The following ADGRB3 variants were observed in gnomAD, a reference collection of about 807,000 sequenced individuals.
ADGRB3 encodes the protein adhesion G protein-coupled receptor B3, also known as brain-specific angiogenesis inhibitor 3.
Under a neutral mutation model 193.4 loss-of-function variants are expected in ADGRB3, and 37 were observed. The ratio of observed to expected loss-of-function variants is 0.19; its 90% confidence interval spans 0.15 to 0.25. The LOEUF (loss-of-function observed/expected upper bound fraction) is 0.25. ADGRB3 is among the 10% of genes least tolerant of loss of function. The pLI is 1.00. For missense variants in ADGRB3, 1,637 were observed against 1,852.9 expected, an observed-to-expected ratio of 0.88 and a Z score of 2.14; for synonymous variants, 690 against 644.2, an observed-to-expected ratio of 1.07 and a Z score of -1.08.
At chr6:68,997,013 G>A (rs552081992) in intron 11 of ADGRB3, among the ~76,000 whole-genome samples, 8 of 152,138 alleles carry the variant, frequency 5.3e-5, no homozygotes, top group African/African-American at 1.4e-4. Context: ...AAATTAAAGG[G>A]AATATATTCT....
intron 20 of ADGRB3, among the ~76,000 whole-genome samples, chr6:69,298,173 C>T (rs538221443): frequency 1.4e-3 from 209 of 151,966 alleles, no homozygotes; most frequent in Admixed American, 2.0e-3. Context: ...AGAGATTGAA[C>T]GCAACTCTGC....
chr6:69,100,615 T>G, intron 17 of ADGRB3, among the ~76,000 whole-genome samples: 1 of 152,048 alleles, frequency 6.6e-6, no homozygotes, highest in Non-Finnish European at 1.5e-5. Context: ...TGGTCAGAGA[T>G]TGGCTTTGTA....
rs528532697 is a variant in ADGRB3, at chr6:68,932,652, A to T, written c.868+1983A>T. Reference sequence around the variant, plus strand: ...GTCTGAATAAATACAGGTAAGTGTCACACAATAAAATTTTACAAAAATTAA... The same window carrying T: ...GTCTGAATAAATACAGGTAAGTGTCTCACAATAAAATTTTACAAAAATTAA... On this transcript the variant is annotated intron_variant, in intron 4 of 31. Coordinates refer to ENST00000370598, the MANE Select transcript of ADGRB3 (RefSeq NM_001704.3). Among the ~76,000 whole-genome samples, 7 of 152,028 alleles carry T rather than the reference A, an allele frequency of 4.6e-5. No individual in the cohort carries two copies. The South Asian group carries it at 1.5e-3, about 32-fold the overall frequency.
chr6:69,172,106 T>C (rs1050742875), intron 17 of ADGRB3, among the ~76,000 whole-genome samples: 4 of 152,200 alleles, frequency 2.6e-5, no homozygotes, highest in Admixed American at 2.0e-4. Context: ...TTGAAGCCTA[T>C]GTTTTTAGAT....
intron 3 of ADGRB3, among the ~76,000 whole-genome samples, chr6:68,922,924 T>C (rs564670204): frequency 4.6e-5 from 7 of 152,234 alleles, no homozygotes; most frequent in Admixed American, 4.6e-4. Context: ...AGCTCAAAGA[T>C]TAGTTAATTG....
At chr6:69,029,676 A>G (rs543724883) in intron 13 of ADGRB3, among the ~76,000 whole-genome samples, 9 of 152,340 alleles carry the variant, frequency 5.9e-5, no homozygotes, top group South Asian at 2.1e-4. Context: ...TGAAATGACT[A>G]TAACAGAGAT....
intron 3 of ADGRB3, among the ~76,000 whole-genome samples, chr6:68,692,065 C>T (rs909410039): frequency 6.6e-6 from 1 of 151,786 alleles, no homozygotes; most frequent in Non-Finnish European, 1.5e-5. Flanking sequence ...CATATATACT[C>T]ATCTGCAAAA....
chr6:69,346,023 A>C (rs897207981), intron 26 of ADGRB3, among the ~76,000 whole-genome samples: 1 of 152,056 alleles, frequency 6.6e-6, no homozygotes, highest in African/African-American at 2.4e-5. Flanking sequence ...AAAGAGAATA[A>C]AATACAACTT....
chr6:69,100,553 T>C (rs1773002771), intron 17 of ADGRB3, among the ~76,000 whole-genome samples: 2 of 152,082 alleles, frequency 1.3e-5, no homozygotes, highest in African/African-American at 4.8e-5. Flanking sequence ...TTCTCCCATA[T>C]TAAATGCTTT....
At chr6:69,271,036 C>A (rs1767164336) in intron 20 of ADGRB3, among the ~76,000 whole-genome samples, 2 of 152,114 alleles carry the variant, frequency 1.3e-5, no homozygotes, top group South Asian at 4.1e-4. Flanking sequence ...TAATAATTTG[C>A]ATTAAACTGG....
intron 11 of ADGRB3, among the ~76,000 whole-genome samples, chr6:69,006,460 A>C (rs576765837): frequency 6.6e-6 from 1 of 152,138 alleles, no homozygotes; most frequent in Admixed American, 6.5e-5. Context: ...TAGTTAAAAG[A>C]ATGGTCTGTC....
intron 20 of ADGRB3, among the ~76,000 whole-genome samples, chr6:69,252,816 T>C (rs1180638395): frequency 6.6e-6 from 1 of 152,048 alleles, no homozygotes; most frequent in Non-Finnish European, 1.5e-5. Flanking sequence ...TTTAAAAAAA[T>C]AGTTTGTGTT....
chr6:69,067,088 T>C (rs1771932424), intron 16 of ADGRB3, among the ~76,000 whole-genome samples: 1 of 152,106 alleles, frequency 6.6e-6, no homozygotes, highest in Non-Finnish European at 1.5e-5. Context: ...CCAAATGAAG[T>C]CTTCATGTAG....
At chr6:69,223,336 G>A (rs1279014471) in intron 17 of ADGRB3, among the ~76,000 whole-genome samples, 4 of 152,098 alleles carry the variant, frequency 2.6e-5, no homozygotes, top group African/African-American at 9.7e-5. Flanking sequence ...CCCCATCCCA[G>A]AACTAATGAA....
At chr6:69,032,308 G>A (rs1281106046) in intron 13 of ADGRB3, among the ~76,000 whole-genome samples, 3 of 152,218 alleles carry the variant, frequency 2.0e-5, no homozygotes, top group Non-Finnish European at 2.9e-5. Flanking sequence ...AACAAATTTT[G>A]AATTTTATAA....
At chr6:69,365,108 A>T (rs376125578) in intron 29 of ADGRB3, among the ~76,000 whole-genome samples, 2 of 152,080 alleles carry the variant, frequency 1.3e-5, no homozygotes, top group South Asian at 2.1e-4. Context: ...GAGTCTTTCC[A>T]ACTTATGTGC....
chr6:69,131,623 C>T (rs974502933), intron 17 of ADGRB3, among the ~76,000 whole-genome samples: 3 of 151,634 alleles, frequency 2.0e-5, no homozygotes, highest in South Asian at 4.2e-4. Context: ...TAACTGCCTT[C>T]GTTTTTTATT....
At chr6:68,872,868 G>A (rs910613469) in intron 3 of ADGRB3, among the ~76,000 whole-genome samples, 1 of 152,040 alleles carries the variant, frequency 6.6e-6, no homozygotes, top group Non-Finnish European at 1.5e-5. Flanking sequence ...GAGACACCTG[G>A]AAAATATCTA....
At chr6:69,077,059 C>G (rs1288164079) in intron 17 of ADGRB3, among the ~76,000 whole-genome samples, 1 of 151,998 alleles carries the variant, frequency 6.6e-6, no homozygotes, top group African/African-American at 2.4e-5. Context: ...TAAACATACT[C>G]TTTTGCTATA....
Sources: allele counts gnomAD v4.1 joint callset (sites outside exome capture counted in the v4.1 genomes callset), GRCh38; gene constraint gnomAD v4.1.1; transcripts MANE v1.5; gene names NCBI Gene and HGNC (gene_info 2026-07-23, HGNC 2026-07-21).